The following AGTPBP1 variants were observed in gnomAD, a reference collection of about 807,000 sequenced individuals.
AGTPBP1 encodes cytosolic carboxypeptidase 1.
In AGTPBP1, 70 loss-of-function variants were observed where a neutral mutation model predicts 143.9. The observed-to-expected ratio is 0.49, with a 90% CI of 0.40 to 0.59. The LOEUF is 0.59. Among genes scored for constraint, AGTPBP1 ranks in the 20% least tolerant of loss-of-function variants. The pLI, the probability that AGTPBP1 is intolerant of heterozygous loss-of-function variation, is 0.00. For synonymous variants in AGTPBP1, 463 were observed against 500.2 expected, an observed-to-expected ratio of 0.93 and a Z score of 0.99; for missense variants, 1,229 against 1,464.5, an observed-to-expected ratio of 0.84 and a Z score of 2.62.
At chr9:85,579,872 T>A (rs1208219003) in intron 23 of AGTPBP1, among the ~76,000 whole-genome samples, 1 of 150,586 alleles carries the variant, frequency 6.6e-6, no homozygotes, top group African/African-American at 2.5e-5. Context: ...AAATTCTAGC[T>A]GGATTGAGAA....
At chr9:85,743,637 A>G (rs959965866), upstream of AGTPBP1, among the ~76,000 whole-genome samples, 26 of 152,220 alleles carry the variant, frequency 1.7e-4, no homozygotes, top group Admixed American at 1.2e-3. Context: ...AAATACATAT[A>G]AACTCAAGAA....
At chr9:85,742,964 G>C (rs898621024), upstream of AGTPBP1, among the ~76,000 whole-genome samples, 2 of 152,140 alleles carry the variant, frequency 1.3e-5, no homozygotes, top group Admixed American at 6.5e-5. Flanking sequence ...AATTCAAAAA[G>C]TAACCCAAGG....
At chr9:85,664,452 T>C (rs911068637) in intron 8 of AGTPBP1, among the ~76,000 whole-genome samples, 1 of 152,190 alleles carries the variant, frequency 6.6e-6, no homozygotes, top group Non-Finnish European at 1.5e-5. Context: ...CATTTTTATA[T>C]GATTTTTAAA....
intron 12 of AGTPBP1, 62 bp from the exon 13 acceptor site, chr9:85,643,005 AT>A: frequency 1.9e-6 from 2 of 1,074,130 alleles, no homozygotes; most frequent in Non-Finnish European, 2.8e-6. Flanking sequence ...TACAGAAAAC[AT>A]TTTAGATTTA....
At chr9:85,717,475 C>A (rs1186082901) in intron 1 of AGTPBP1, among the ~76,000 whole-genome samples, 5 of 152,150 alleles carry the variant, frequency 3.3e-5, no homozygotes, top group African/African-American at 1.2e-4. Context: ...GCGCTTCAGC[C>A]TGGGTGACAG....
At chr9:85,745,161 G>C (rs767709574), upstream of AGTPBP1, among the ~76,000 whole-genome samples, 1 of 152,108 alleles carries the variant, frequency 6.6e-6, no homozygotes, top group Non-Finnish European at 1.5e-5. Context: ...CCTCTTCTGC[G>C]GATCACCTTA....
Position 85,692,291 on chromosome 9 carries a change from T to TA in AGTPBP1, c.157+397dup, listed in dbSNP as rs1303572137. Among the ~76,000 whole-genome samples, 147 of 150,742 alleles carry TA rather than the reference T, an allele frequency of 9.8e-4. 2 individuals are homozygous for TA. The highest frequency in any genetic ancestry group is 3.4e-3 in the African/African-American group (138 of 40,722). On this transcript the variant is annotated intron_variant, in intron 3 of 25. Transcript: ENST00000357081. ...AGTTTGATTTTTTTTTTTTTTTTTT[T>TA]ATGAGACGGAGTCTTGCTGTCGCCC... is the stretch of plus-strand genomic sequence containing the variant.
chr9:85,650,817 GT>G (rs2133895226), intron 11 of AGTPBP1, among the ~76,000 whole-genome samples: 1 of 152,228 alleles, frequency 6.6e-6, no homozygotes, highest in South Asian at 2.1e-4. Flanking sequence ...AATGATTATA[GT>G]TTTGTCGACT....
chr9:85,704,797 A>C (rs1285907913), intron 2 of AGTPBP1, among the ~76,000 whole-genome samples: 2 of 152,098 alleles, frequency 1.3e-5, no homozygotes, highest in Admixed American at 1.3e-4. Flanking sequence ...AAACATTATA[A>C]TTAATAAACA....
At chr9:85,700,842 T>C (rs1227676438) in intron 2 of AGTPBP1, among the ~76,000 whole-genome samples, 4 of 152,244 alleles carry the variant, frequency 2.6e-5, no homozygotes, top group Non-Finnish European at 5.9e-5. Flanking sequence ...TTAGCCATTG[T>C]ATTCTGAGGT....
intron 13 of AGTPBP1, among the ~76,000 whole-genome samples, chr9:85,636,926 G>A (rs1236225769): frequency 6.6e-6 from 1 of 151,176 alleles, no homozygotes; most frequent in African/African-American, 2.4e-5. Flanking sequence ...TATGTTAAAA[G>A]CCACCAAAAA....
intron 24 of AGTPBP1, among the ~76,000 whole-genome samples, chr9:85,578,427 A>G (rs1828030163): frequency 6.6e-6 from 1 of 152,226 alleles, no homozygotes; most frequent in African/African-American, 2.4e-5. Flanking sequence ...TCTGGGCAAT[A>G]TGGTGAGACC....
At chr9:85,585,344 T>G (rs1263134454) in intron 23 of AGTPBP1, 119 bp downstream of exon 23, 2 of 1,090,076 alleles carry the variant, frequency 1.8e-6, no homozygotes, top group Non-Finnish European at 2.4e-6. Context: ...ATGAAAAATC[T>G]GAAACAAAAA....
At chr9:85,718,332 T>A (rs879832235) in intron 1 of AGTPBP1, among the ~76,000 whole-genome samples, 2 of 152,198 alleles carry the variant, frequency 1.3e-5, no homozygotes, top group Non-Finnish European at 2.9e-5. Flanking sequence ...CAGTATCTGT[T>A]GTTTCCTGAC....
chr9:85,679,119 G>A (rs2134139910), intron 4 of AGTPBP1, among the ~76,000 whole-genome samples: 1 of 152,186 alleles, frequency 6.6e-6, no homozygotes, highest in Admixed American at 6.5e-5. Flanking sequence ...CAATTCCAAG[G>A]TCAAAGAATA....
intron 2 of AGTPBP1, among the ~76,000 whole-genome samples, chr9:85,696,394 G>A (rs1027730538): frequency 3.9e-5 from 6 of 152,138 alleles, no homozygotes; most frequent in African/African-American, 1.2e-4. Context: ...CCGGTCGGGC[G>A]CAGTGGCTCA....
intron 14 of AGTPBP1, among the ~76,000 whole-genome samples, chr9:85,621,543 A>C (rs1359559515): frequency 2.0e-5 from 3 of 152,108 alleles, no homozygotes; most frequent in Non-Finnish European, 4.4e-5. Flanking sequence ...AAAAAAAAAA[A>C]AACTTGAATG....
At chr9:85,574,383 T>C (rs868059548) in intron 25 of AGTPBP1, among the ~76,000 whole-genome samples, 10 of 151,706 alleles carry the variant, frequency 6.6e-5, no homozygotes, top group Admixed American at 2.0e-4. Flanking sequence ...CCTTGTTCAC[T>C]TGTTTATCTG....
chr9:85,726,597 A>G (rs1164271391), intron 1 of AGTPBP1, among the ~76,000 whole-genome samples: 2 of 152,270 alleles, frequency 1.3e-5, no homozygotes, highest in Non-Finnish European at 2.9e-5. Context: ...TACAATGCAA[A>G]TAAGTATCAA....
Sources: gnomAD v4.1 joint callset for allele counts (sites outside exome capture counted in the v4.1 genomes callset) on GRCh38, gnomAD v4.1.1 for gene constraint, MANE v1.5 for transcripts, NCBI Gene and HGNC (gene_info 2026-07-23, HGNC 2026-07-21) for gene names.